The following TRIO variants were observed in gnomAD, a reference collection of about 807,000 sequenced individuals.
TRIO encodes trio Rho guanine nucleotide exchange factor.
In TRIO, 58 loss-of-function variants were observed where a neutral mutation model predicts 351.9. That is an observed-to-expected ratio of 0.16 (90% confidence interval 0.13 to 0.21). The LOEUF is 0.21. Ranked by LOEUF, TRIO falls within the 10% of genes least tolerant of loss-of-function variation. The probability of loss-of-function intolerance (pLI) is 1.00; values close to 1 mark genes in which losing one functional copy is unlikely to be tolerated. For missense variants in TRIO, 3,201 were observed against 4,027.8 expected, an observed-to-expected ratio of 0.79 and a Z score of 5.56; for synonymous variants, 1,758 against 1,595.7, an observed-to-expected ratio of 1.10 and a Z score of -2.42.
chr5:14,488,398 GCTAAC>G (rs1350993707), intron 48 of TRIO, 138 bp downstream of exon 48: 1 of 1,338,990 alleles, frequency 7.5e-7, no homozygotes, highest in Non-Finnish European at 9.9e-7. Context: ...CTGGGACCAG[GCTAAC>G]CCTCCTGCGG....
intron 1 of TRIO, among the ~76,000 whole-genome samples, chr5:14,261,057 T>G (rs1304834765): frequency 6.6e-6 from 1 of 152,314 alleles, no homozygotes; most frequent in Non-Finnish European, 1.5e-5. Context: ...GAAACATTCA[T>G]TCAGAATCAG....
intron 27 of TRIO, among the ~76,000 whole-genome samples, chr5:14,392,096 T>C (rs566572386): frequency 6.6e-6 from 1 of 152,270 alleles, no homozygotes; most frequent in African/African-American, 2.4e-5. Flanking sequence ...ATCAAAGCCA[T>C]TTTAGAAACC....
chr5:14,223,015 C>G (rs903927393), intron 1 of TRIO, among the ~76,000 whole-genome samples: 1 of 152,118 alleles, frequency 6.6e-6, no homozygotes, highest in African/African-American at 2.4e-5. Flanking sequence ...GGGCATGAAG[C>G]CTTTTGTCTC....
chr5:14,219,475 C>T (rs1048398998), intron 1 of TRIO, among the ~76,000 whole-genome samples: 3 of 152,170 alleles, frequency 2.0e-5, no homozygotes, highest in South Asian at 4.1e-4. Flanking sequence ...GAATGCTGCC[C>T]GCGTGTTTGG....
intron 48 of TRIO, 49 bp from the exon 49 acceptor site, chr5:14,492,518 C>G: frequency 1.9e-6 from 3 of 1,596,424 alleles, no homozygotes; most frequent in Non-Finnish European, 1.7e-6. Context: ...GATCAGGTCT[C>G]GTTTCAGTTC....
Position 14,406,450 on chromosome 5 carries a change from C to T in TRIO, c.4860-123C>T, listed in dbSNP as rs181105736. ...GGTGAAGGGTGCCTTAACCATTGTCCGCATCCTGGCAGCAGCAGGCACTCA... is the reference window on the plus strand; with the variant it reads ...GGTGAAGGGTGCCTTAACCATTGTCTGCATCCTGGCAGCAGCAGGCACTCA... On this transcript the variant is annotated intron_variant, in intron 32 of 56. Transcript: ENST00000344204. The T allele has an allele frequency of 2.5e-4, 218 of 879,894 alleles. 1 individual carries two copies. In the Middle Eastern group the frequency reaches 4.5e-3, roughly 18 times the overall value. The allele number at this position is 879,894 out of a possible 1,614,324, so 54.5% of individuals were successfully genotyped here. A position where few individuals can be genotyped will look rare whatever the true frequency, so the allele number is the denominator to read the frequency against.
chr5:14,490,233 C>T (rs939254592), intron 48 of TRIO, among the ~76,000 whole-genome samples: 1 of 152,236 alleles, frequency 6.6e-6, no homozygotes, highest in African/African-American at 2.4e-5. Flanking sequence ...GAGCCGAGAT[C>T]GTGCCATTGC....
At position 14,509,316 on chromosome 5, in the gene TRIO, CTG is replaced by C; in HGVS notation, c.*896_*897del. The C allele has an allele frequency of 2.4e-6, 1 of 412,316 alleles. No individual in the cohort carries two copies. The highest frequency in any genetic ancestry group is 4.7e-6 in the Non-Finnish European group (1 of 213,218). 25.5% of individuals were successfully genotyped at this position (412,316 alleles called of 1,614,324 possible). On this transcript the variant is annotated 3_prime_UTR_variant, in exon 57 of 57. Coordinates refer to ENST00000344204, the MANE Select transcript of TRIO (RefSeq NM_007118.4). ...TTTATGCAACTATTTATGAAGACCT[CTG>C]TTGTACCTGTAATAAATATATAGAA...
chr5:14,175,172 C>G (rs1456084716), intron 1 of TRIO, among the ~76,000 whole-genome samples: 2 of 152,280 alleles, frequency 1.3e-5, no homozygotes, highest in East Asian at 3.9e-4. Flanking sequence ...ATACTACTCC[C>G]CCAAAATTGC....
At chr5:14,254,667 C>T (rs1794930403) in intron 1 of TRIO, among the ~76,000 whole-genome samples, 1 of 152,204 alleles carries the variant, frequency 6.6e-6, no homozygotes, top group Non-Finnish European at 1.5e-5. Flanking sequence ...GTTTCTTCTC[C>T]AACCACACCA....
chr5:14,409,378 CAA>C (rs533985839), intron 33 of TRIO, among the ~76,000 whole-genome samples: 26 of 83,868 alleles, frequency 3.1e-4, no homozygotes, highest in Admixed American at 2.7e-4. Flanking sequence ...ATAGGTTTGC[CAA>C]AAAAAAAAAA....
At chr5:14,173,277 C>G (rs1346845606) in intron 1 of TRIO, among the ~76,000 whole-genome samples, 2 of 132,196 alleles carry the variant, frequency 1.5e-5, no homozygotes, top group Non-Finnish European at 3.1e-5. Flanking sequence ...GTGGCGAGAT[C>G]TAGGCTAATT....
chr5:14,348,665 ATATG>A (rs1448590381), intron 11 of TRIO, among the ~76,000 whole-genome samples: 1 of 144,400 alleles, frequency 6.9e-6, no homozygotes, highest in Non-Finnish European at 1.5e-5. Context: ...TCCTGTGTGT[ATATG>A]TGTGTGTACG....
intron 21 of TRIO, among the ~76,000 whole-genome samples, chr5:14,382,253 A>G (rs1746169923): frequency 6.6e-6 from 1 of 152,216 alleles, no homozygotes. Flanking sequence ...AAAACATAAC[A>G]GGAATTTTTC....
chr5:14,425,257 C>T lies in TRIO; in HGVS notation c.5203+5236C>T, dbSNP rs13356303. Among the ~76,000 whole-genome samples, 275 of 152,352 alleles carry T rather than the reference C, an allele frequency of 1.8e-3. 4 individuals are homozygous for T. Among genetic ancestry groups the T allele is most frequent in the African/African-American group, 6.3e-3 (264 of 41,582 alleles). On this transcript the variant is annotated intron_variant, in intron 34 of 56. Coordinates refer to ENST00000344204, the MANE Select transcript of TRIO (RefSeq NM_007118.4). ...CTCCTCCCAGCCCCTGGCACTGCCC[C>T]TTTCCTTTCTGTCTCCATGAGTTTG...
At chr5:14,481,446 G>T (rs1755507500) in intron 44 of TRIO, 95 bp from the exon 45 acceptor site, 2 of 1,513,880 alleles carry the variant, frequency 1.3e-6, no homozygotes, top group Non-Finnish European at 1.8e-6. Flanking sequence ...AGAGGGTGGG[G>T]AGGAAGAACA....
chr5:14,184,419 G>A (rs1267700641), intron 1 of TRIO, among the ~76,000 whole-genome samples: 1 of 152,180 alleles, frequency 6.6e-6, no homozygotes, highest in African/African-American at 2.4e-5. Context: ...CTCTACTAAA[G>A]GCACTTGGCA....
chr5:14,408,266 A>G (rs1386039620), intron 33 of TRIO, among the ~76,000 whole-genome samples: 2 of 152,232 alleles, frequency 1.3e-5, no homozygotes, highest in Admixed American at 6.5e-5. Context: ...GGGAGTCAGT[A>G]GATTTAAAAT....
chr5:14,217,756 C>T (rs571668739), intron 1 of TRIO, among the ~76,000 whole-genome samples: 7 of 152,220 alleles, frequency 4.6e-5, no homozygotes, highest in South Asian at 4.2e-4. Context: ...ACTTTGTTCC[C>T]GGTGTCAGGG....
Sources: gnomAD v4.1 joint callset for allele counts (sites outside exome capture counted in the v4.1 genomes callset) on GRCh38, gnomAD v4.1.1 for gene constraint, MANE v1.5 for transcripts, NCBI Gene and HGNC (gene_info 2026-07-23, HGNC 2026-07-21) for gene names.